RREB1: variants seen among roughly 807,000 people sequenced by gnomAD.
RREB1 encodes the protein ras-responsive element-binding protein 1.
A neutral mutation model predicts 117.8 loss-of-function variants in RREB1; 27 were observed. The observed-to-expected ratio is 0.23, with a 90% CI of 0.17 to 0.32. The LOEUF is 0.32. RREB1 is among the 10% of genes least tolerant of loss of function. RREB1 has a pLI of 1.00. For synonymous variants in RREB1, 1,298 were observed against 1,026.7 expected (o/e 1.26, Z -5.05); for missense variants, 2,577 against 2,378.2 (o/e 1.08, Z -1.74).
chr6:7,167,519 A>C (rs1411249199), intron 1 of RREB1, among the ~76,000 whole-genome samples: 1 of 151,964 alleles, frequency 6.6e-6, no homozygotes, highest in African/African-American at 2.4e-5. Flanking sequence ...ACGCCCAGCT[A>C]ATTTTTTGTA....
At position 7,116,544 on chromosome 6, in the gene RREB1, GTGTGT is replaced by G. The variant is rs143080004; in HGVS notation, c.-285+8487_-285+8491del. 5.3e-3 allele frequency among the ~76,000 whole-genome samples: 806 copies of G among 152,292 alleles called. 7 individuals carry two copies. Among genetic ancestry groups the G allele is most frequent in the African/African-American group, 0.018 (768 of 41,556 alleles). On this transcript the variant is annotated intron_variant, in intron 1 of 12. Coordinates refer to ENST00000379938, the MANE Select transcript of RREB1 (RefSeq NM_001003699.4). ...GCATAGTTGGTGCTCACTCACCACTGTGTGTTGATTTCTGATACAAAAATGAGAGT... is the reference window on the plus strand; with the variant it reads ...GCATAGTTGGTGCTCACTCACCACTGTGATTTCTGATACAAAAATGAGAGT...
intron 4 of RREB1, among the ~76,000 whole-genome samples, chr6:7,187,078 G>A (rs7765157): frequency 1.3e-3 from 205 of 152,226 alleles, no homozygotes; most frequent in African/African-American, 4.1e-3. Flanking sequence ...TAGCTCTTCC[G>A]TGAGTCAATG....
Position 7,229,011 on chromosome 6 carries a change from A to C in RREB1, c.912A>C (p.Thr304=). 1 of 1,524,898 alleles carries C rather than the reference A, an allele frequency of 6.6e-7. No individual in the cohort carries two copies. The allele number at this position is 1,524,898 out of a possible 1,614,324, so 94.5% of individuals were successfully genotyped here. Residue 304 remains threonine (T), a synonymous_variant, in exon 10 of 13, where the codon ACA becomes ACC. Coordinates refer to ENST00000379938, the MANE Select transcript of RREB1 (RefSeq NM_001003699.4). The surrounding 1 kb of genome is among the most constrained non-coding windows in gnomAD (Gnocchi z 4.5). ...GTTCTATATAGGCCTGGTGCGAAAC[A>C]AACCTGCGGAGGTGCATCAGCGAGC... is the stretch of plus-strand genomic sequence containing the variant. The part of the protein sequence containing the change: ...FPRISQAWCE[T]NLRRCISEQH...
chr6:7,118,367 C>T (rs942810588), intron 1 of RREB1, among the ~76,000 whole-genome samples: 9 of 152,084 alleles, frequency 5.9e-5, no homozygotes, highest in Admixed American at 3.3e-4. Context: ...GTGATCTGCC[C>T]GCCTTGGCCT....
intron 8 of RREB1, among the ~76,000 whole-genome samples, chr6:7,224,645 C>CA (rs1422714638): frequency 6.6e-6 from 1 of 152,144 alleles, no homozygotes; most frequent in Non-Finnish European, 1.5e-5. Flanking sequence ...GAAAGAACCT[C>CA]ACCCAGAGGG....
chr6:7,220,174 C>T (rs1767161003), intron 8 of RREB1, among the ~76,000 whole-genome samples: 1 of 152,194 alleles, frequency 6.6e-6, no homozygotes, highest in African/African-American at 2.4e-5. Context: ...CAATCTACTC[C>T]AGCACTCTAA....
At chr6:7,127,036 AAGTACAGGCCCTGG>A (rs1224460991) in intron 1 of RREB1, among the ~76,000 whole-genome samples, 2 of 152,232 alleles carry the variant, frequency 1.3e-5, no homozygotes, top group African/African-American at 4.8e-5. Context: ...AAAGCAGTTT[AAGTACAGGCCCTGG>A]AGTATGAAAA....
At chr6:7,169,453 G>A (rs1764109063) in intron 1 of RREB1, among the ~76,000 whole-genome samples, 2 of 152,236 alleles carry the variant, frequency 1.3e-5, no homozygotes, top group Non-Finnish European at 2.9e-5. Context: ...CAGGGTCCTG[G>A]CAGGCAGGCT....
chr6:7,117,399 T>TG (rs1761455822), intron 1 of RREB1, among the ~76,000 whole-genome samples: 8 of 28,838 alleles, frequency 2.8e-4, no homozygotes, highest in Non-Finnish European at 1.1e-3. Flanking sequence ...TTTTTTTTTT[T>TG]TTTTTTTTTT....
chr6:7,184,168 A>T (rs1207439004), intron 4 of RREB1, among the ~76,000 whole-genome samples: 2 of 151,880 alleles, frequency 1.3e-5, no homozygotes, highest in African/African-American at 2.4e-5. Flanking sequence ...GGGCAATATT[A>T]TGAGACCTCC....
At chr6:7,186,645 G>A (rs1184210923) in intron 4 of RREB1, among the ~76,000 whole-genome samples, 1 of 152,116 alleles carries the variant, frequency 6.6e-6, no homozygotes, top group African/African-American at 2.4e-5. Context: ...TTGGAAAGAG[G>A]ATCTGTAGCA....
At position 7,211,669 on chromosome 6, in the gene RREB1, C is replaced by G. The variant is rs1766613305; in HGVS notation, c.667C>G (p.Leu223Val). The G allele has an allele frequency of 6.2e-7, 1 of 1,613,950 alleles. No homozygotes were observed. The highest frequency in any genetic ancestry group is 1.7e-5 in the Admixed American group (1 of 59,996). ...CFKEFVCKYG[L>V]ETHMETHSDN... ...CAAGGAGTTTGTTTGCAAGTATGGACTGGAGACCCACATGGAGACCCATTC... is the reference window on the plus strand; with the variant it reads ...CAAGGAGTTTGTTTGCAAGTATGGAGTGGAGACCCACATGGAGACCCATTC... The change falls in exon 8 of 13, where the codon CTG becomes GTG. Residue 223 changes from leucine to valine, a missense_variant. Physicochemically the swap from Leu to Val is conservative, Grantham distance 32. Transcript: ENST00000379938.
rs1378928752 is a variant in RREB1, at chr6:7,229,940, T to C, written c.1841T>C (p.Ile614Thr). The C allele has an allele frequency of 6.2e-7, 1 of 1,600,954 alleles. No individual in the cohort carries two copies. Among genetic ancestry groups the C allele is most frequent in the Non-Finnish European group, 8.5e-7 (1 of 1,170,742 alleles). ...ALLPLSMEAK[I>T]KQEITEGELK... ...CTGCCGCTGAGCATGGAGGCCAAGA[T>C]CAAGCAGGAGATCACAGAGGGGGAA... is the stretch of plus-strand genomic sequence containing the variant. Residue 614 changes from isoleucine (I) to threonine (T), a missense_variant, in exon 10 of 13, where the codon ATC becomes ACC. Transcript: ENST00000379938. The surrounding 1 kb of genome is among the most constrained non-coding windows in gnomAD (Gnocchi z 4.5).
rs1289257348 is a variant in RREB1 at position 7,107,994 on chromosome 6, C to G, written c.-351C>G. 6.6e-6 allele frequency: 1 copy of G among 152,350 alleles called. No homozygotes were observed. The highest frequency in any genetic ancestry group is 1.5e-5 in the Non-Finnish European group (1 of 68,134). 9.4% of individuals were successfully genotyped at this position (152,350 alleles called of 1,614,324 possible). ...TCCGGAACAAGTTTGCATCTCTCCTCGGTCTCTCCCTGAAGCCCACCGGTC... is the reference window on the plus strand; with the variant it reads ...TCCGGAACAAGTTTGCATCTCTCCTGGGTCTCTCCCTGAAGCCCACCGGTC... On this transcript the variant is annotated 5_prime_UTR_variant, in exon 1 of 13. Coordinates refer to ENST00000379938, the MANE Select transcript of RREB1 (RefSeq NM_001003699.4).
chr6:7,125,592 A>G (rs955222177), intron 1 of RREB1, among the ~76,000 whole-genome samples: 17 of 152,116 alleles, frequency 1.1e-4, no homozygotes, highest in Admixed American at 7.2e-4. Flanking sequence ...TTAGTTTTGC[A>G]TTGGGTAGGG....
Position 7,230,708 on chromosome 6 carries a change from T to C in RREB1, c.2609T>C (p.Leu870Pro), listed in dbSNP as rs767071052. 6.3e-7 allele frequency: 1 copy of C among 1,595,844 alleles called. No individual in the cohort carries two copies. Among genetic ancestry groups the C allele is most frequent in the East Asian group, 2.2e-5 (1 of 44,674 alleles). ...TTCCTGGAACCCCAGAACGGCTTTC[T>C]TCACAGGGGCCCCACCCAGCCTCCA... ...TAFLEPQNGF[L>P]HRGPTQPPPP... The change falls in exon 10 of 13, where the codon CTT (leucine) becomes CCT (proline). Residue 870 changes from leucine to proline, a missense_variant. Coordinates refer to ENST00000379938, the MANE Select transcript of RREB1 (RefSeq NM_001003699.4).
At chr6:7,182,307 C>G (rs1437314962) in intron 4 of RREB1, among the ~76,000 whole-genome samples, 1 of 151,916 alleles carries the variant, frequency 6.6e-6, no homozygotes, top group African/African-American at 2.4e-5. Context: ...TGGAAGTGCC[C>G]TTATTTTTGG....
At position 7,222,539 on chromosome 6, in the gene RREB1, C is replaced by T. The variant is rs1185009567; in HGVS notation, c.708-3928C>T. Among the ~76,000 whole-genome samples the T allele has an allele frequency of 3.9e-5, 6 of 152,152 alleles. 1 individual carries two copies. The highest frequency in any genetic ancestry group is 4.1e-4 in the South Asian group (2 of 4,828). On this transcript the variant is annotated intron_variant, in intron 8 of 12. Coordinates refer to ENST00000379938, the MANE Select transcript of RREB1 (RefSeq NM_001003699.4). ...TGATCAATACTGAATAATTCTGCCA[C>T]GTCTTTATTGTCATGCCTTCATCAC...
intron 1 of RREB1, among the ~76,000 whole-genome samples, chr6:7,174,034 C>G (rs1224339805): frequency 6.6e-6 from 1 of 152,104 alleles, no homozygotes; most frequent in Non-Finnish European, 1.5e-5. Flanking sequence ...GTTGACTTTG[C>G]GTAAATCTTG....
Sources: gnomAD v4.1 joint callset for allele counts (sites outside exome capture counted in the v4.1 genomes callset) on GRCh38, gnomAD v4.1.1 for gene constraint, Gnocchi (gnomAD v3.1) non-coding constraint, MANE v1.5 for transcripts, NCBI Gene and HGNC (gene_info 2026-07-23, HGNC 2026-07-21) for gene names.